The following SORCS3 variants were observed in gnomAD, a reference collection of about 807,000 sequenced individuals.
The protein encoded by SORCS3 is sortilin related VPS10 domain containing receptor 3.
Under a neutral mutation model 146.3 loss-of-function variants are expected in SORCS3, and 57 were observed. That is an observed-to-expected ratio of 0.39 (90% confidence interval 0.31 to 0.49). The LOEUF is 0.49. SORCS3 is among the 20% of genes least tolerant of loss of function. The probability of loss-of-function intolerance (pLI) is 0.92; values close to 1 mark genes in which losing one functional copy is unlikely to be tolerated. For synonymous variants in SORCS3, 653 were observed against 618.5 expected (o/e 1.06, Z -0.83); for missense variants, 1,341 against 1,575.5 (o/e 0.85, Z 2.52).
chr10:104,886,534 GTATATAA>G (rs2018686725), intron 2 of SORCS3, among the ~76,000 whole-genome samples: 1 of 149,056 alleles, frequency 6.7e-6, no homozygotes, highest in Admixed American at 6.7e-5. Context: ...ATACAGTTGT[GTATATAA>G]TATATAACTC....
chr10:104,669,632 C>T (rs977803322), intron 1 of SORCS3, among the ~76,000 whole-genome samples: 3 of 152,112 alleles, frequency 2.0e-5, no homozygotes, highest in Non-Finnish European at 2.9e-5. Context: ...TTTATCCATT[C>T]GTCTGTTGAT....
intron 1 of SORCS3, among the ~76,000 whole-genome samples, chr10:104,721,962 C>G (rs1209095957): frequency 6.6e-6 from 1 of 152,082 alleles, no homozygotes; most frequent in Non-Finnish European, 1.5e-5. Context: ...AATTGAATAC[C>G]CTTTATTTCC....
intron 1 of SORCS3, among the ~76,000 whole-genome samples, chr10:104,840,393 A>G (rs1326005154): frequency 6.6e-6 from 1 of 151,984 alleles, no homozygotes; most frequent in Non-Finnish European, 1.5e-5. Context: ...ACCTCTATCT[A>G]GTTTCTGTTT....
chr10:105,041,221 T>C (rs2055335767), intron 4 of SORCS3, among the ~76,000 whole-genome samples: 1 of 148,914 alleles, frequency 6.7e-6, no homozygotes, highest in Non-Finnish European at 1.5e-5. Flanking sequence ...ACCAGCAGAA[T>C]CTCTTTCTTG....
chr10:105,157,009 C>A, intron 9 of SORCS3, 129 bp from the exon 10 acceptor site: 2 of 1,067,492 alleles, frequency 1.9e-6, no homozygotes, highest in Non-Finnish European at 2.7e-6. Flanking sequence ...CGTTTCCTAT[C>A]ATGTTCCTTC....
chr10:105,014,578 T>A (rs563444143), intron 4 of SORCS3, among the ~76,000 whole-genome samples: 9 of 152,174 alleles, frequency 5.9e-5, no homozygotes, highest in South Asian at 4.1e-4. Context: ...TATTATAAGT[T>A]TATAAGCAAA....
intron 14 of SORCS3, among the ~76,000 whole-genome samples, chr10:105,195,221 G>T (rs2056537482): frequency 6.6e-6 from 1 of 152,096 alleles, no homozygotes; most frequent in Non-Finnish European, 1.5e-5. Flanking sequence ...TACCTATTTT[G>T]CTGGTAACAG....
chr10:105,124,880 A>G (rs1252287209), intron 7 of SORCS3, among the ~76,000 whole-genome samples: 1 of 152,200 alleles, frequency 6.6e-6, no homozygotes, highest in Admixed American at 6.5e-5. Flanking sequence ...ATTAGAACAG[A>G]AAGTCGGCTG....
At chr10:105,011,432 C>T (rs948442949) in intron 4 of SORCS3, among the ~76,000 whole-genome samples, 2 of 152,138 alleles carry the variant, frequency 1.3e-5, no homozygotes, top group African/African-American at 2.4e-5. Flanking sequence ...GCATTTCTTT[C>T]GTGTATCTGA....
intron 14 of SORCS3, among the ~76,000 whole-genome samples, chr10:105,196,399 T>C (rs1413431248): frequency 1.3e-5 from 2 of 151,898 alleles, no homozygotes; most frequent in African/African-American, 4.8e-5. Context: ...AGGTCAGGAG[T>C]TCGAGACTAG....
intron 3 of SORCS3, among the ~76,000 whole-genome samples, chr10:104,964,154 T>C (rs1168391485): frequency 1.3e-5 from 2 of 152,280 alleles, no homozygotes; most frequent in Non-Finnish European, 2.9e-5. Context: ...AGCCCTAGAC[T>C]ATCACAGCCA....
intron 2 of SORCS3, among the ~76,000 whole-genome samples, chr10:104,879,580 A>G (rs372336976): frequency 3.3e-5 from 5 of 152,140 alleles, no homozygotes; most frequent in South Asian, 2.1e-4. Context: ...TTCAGGGGCT[A>G]TTATTTTGAG....
chr10:105,129,331 CTTTTTTTTT>C lies in SORCS3; in HGVS notation c.1213-10048_1213-10040del, dbSNP rs71022753. Among the ~76,000 whole-genome samples the C allele has an allele frequency of 1.1e-4, 11 of 104,616 alleles. No homozygotes were observed. The East Asian group carries it at 1.7e-3, about 16-fold the overall frequency. The allele number at this position is 104,616 out of a possible 152,430, so 68.6% of individuals were successfully genotyped here. ...CTTTCTCTTTTCTTTCTTTCTTTCT[CTTTTTTTTT>C]TTTTTTTTTTTTTTTTTACAAAACC... On this transcript the variant is annotated intron_variant, in intron 7 of 26. Coordinates refer to ENST00000369701, the MANE Select transcript of SORCS3 (RefSeq NM_014978.3).
chr10:104,808,270 A>G (rs2017702090), intron 1 of SORCS3, among the ~76,000 whole-genome samples: 2 of 152,234 alleles, frequency 1.3e-5, no homozygotes, highest in African/African-American at 2.4e-5. Context: ...CCAAGGATTT[A>G]TTTAGCAAGT....
At chr10:104,969,790 C>A (rs1238154105) in intron 3 of SORCS3, among the ~76,000 whole-genome samples, 3 of 152,146 alleles carry the variant, frequency 2.0e-5, no homozygotes, top group Non-Finnish European at 4.4e-5. Flanking sequence ...TATGTGTGCT[C>A]ACACGTATGT....
At chr10:104,757,865 CCCCA>C (rs34420160) in intron 1 of SORCS3, among the ~76,000 whole-genome samples, 108,502 of 144,324 alleles carry the variant, frequency 0.75, 40,660 homozygotes, top group East Asian at 0.93. Flanking sequence ...CCACCCCCCC[CCCCA>C]CACCCGCTGC....
rs544194843 is a variant in SORCS3 at position 104,860,549 on chromosome 10, C to T, written c.695+17690C>T. Among the ~76,000 whole-genome samples the T allele has an allele frequency of 1.5e-4, 22 of 151,214 alleles. No individual in the cohort carries two copies. The East Asian group carries it at 4.3e-3, about 29-fold the overall frequency. On this transcript the variant is annotated intron_variant, in intron 2 of 26. Coordinates refer to ENST00000369701, the MANE Select transcript of SORCS3 (RefSeq NM_014978.3). ...CTAACCTGCACATTGTACACATATA[C>T]CCTAAAACTTAAAGTATAATAATAA...
intron 1 of SORCS3, among the ~76,000 whole-genome samples, chr10:104,704,928 C>T (rs1437026105): frequency 6.6e-6 from 1 of 152,116 alleles, no homozygotes; most frequent in Non-Finnish European, 1.5e-5. Context: ...TACACAGGTG[C>T]CCTTTCCTTC....
At chr10:105,222,724 G>A (rs1281000724) in intron 19 of SORCS3, among the ~76,000 whole-genome samples, 1 of 152,194 alleles carries the variant, frequency 6.6e-6, no homozygotes, top group Non-Finnish European at 1.5e-5. Context: ...TAATGGAAGA[G>A]CCTTCCATAC....
Sources: allele counts gnomAD v4.1 joint callset (sites outside exome capture counted in the v4.1 genomes callset), GRCh38; gene constraint gnomAD v4.1.1; transcripts MANE v1.5; gene names NCBI Gene and HGNC (gene_info 2026-07-23, HGNC 2026-07-21).